The following PDE4D variants were observed in gnomAD, a reference collection of about 807,000 sequenced individuals.
The protein encoded by PDE4D is phosphodiesterase 4D.
Under a neutral mutation model 87.4 loss-of-function variants are expected in PDE4D, and 24 were observed. The ratio of observed to expected loss-of-function variants is 0.27; its 90% CI spans 0.20 to 0.39. The LOEUF is 0.39. PDE4D is among the 10% of genes least tolerant of loss of function. The pLI, the probability that PDE4D is intolerant of heterozygous loss-of-function variation, is 1.00. For synonymous variants in PDE4D, 384 were observed against 383.2 expected (o/e 1.00, Z -0.02); for missense variants, 714 against 1,041.0 (o/e 0.69, Z 4.32).
At chr5:59,910,195 T>A (rs1275555495) in intron 3 of PDE4D, among the ~76,000 whole-genome samples, 2 of 152,214 alleles carry the variant, frequency 1.3e-5, no homozygotes, top group African/African-American at 4.8e-5. Context: ...TTAATGTGAG[T>A]ATGCCTGTCT....
intron 2 of PDE4D, among the ~76,000 whole-genome samples, chr5:60,036,373 C>T (rs1253712779): frequency 1.3e-5 from 2 of 152,108 alleles, no homozygotes; most frequent in East Asian, 3.9e-4. Flanking sequence ...AATCCAGTCC[C>T]CTGGTTTACA....
At chr5:59,661,454 C>G (rs1745243778) in intron 1 of PDE4D, among the ~76,000 whole-genome samples, 1 of 152,090 alleles carries the variant, frequency 6.6e-6, no homozygotes, top group African/African-American at 2.4e-5. Flanking sequence ...AGCCCACATG[C>G]CCTACATTTT....
exon 2 of PDE4D, chr5:60,185,680 C>T: frequency 3.8e-6 from 3 of 783,378 alleles, no homozygotes; most frequent in Non-Finnish European, 6.3e-6. Flanking sequence ...CAAAAGCCAA[C>T]TGGAATGCTG....
At chr5:60,498,025 G>A (rs1215148564) in intron 1 of PDE4D, among the ~76,000 whole-genome samples, 3 of 152,124 alleles carry the variant, frequency 2.0e-5, no homozygotes, top group East Asian at 3.8e-4. Flanking sequence ...CTGACTATCA[G>A]CAGTTGTTTA....
intron 1 of PDE4D, among the ~76,000 whole-genome samples, chr5:60,295,877 C>T (rs1032102935): frequency 3.3e-5 from 5 of 152,124 alleles, no homozygotes; most frequent in Non-Finnish European, 7.4e-5. Context: ...AACAAAATGC[C>T]ACAAACACAA....
chr5:60,112,048 A>C (rs1471728998), intron 2 of PDE4D, among the ~76,000 whole-genome samples: 1 of 152,046 alleles, frequency 6.6e-6, no homozygotes. Flanking sequence ...AAAAAACCTG[A>C]CTTATGGAAA....
chr5:59,771,433 AAAAGAAAGAAAGAAAGAAAG>A (rs745783951), intron 1 of PDE4D, among the ~76,000 whole-genome samples: 2 of 93,830 alleles, frequency 2.1e-5, no homozygotes, highest in Non-Finnish European at 4.2e-5. Flanking sequence ...AAGAAAAAGA[AAAAGAAAGAAAGAAAGAAAG>A]AAAGAAAGAA....
intron 1 of PDE4D, among the ~76,000 whole-genome samples, chr5:59,757,514 G>C (rs1761422182): frequency 6.6e-6 from 1 of 152,126 alleles, no homozygotes; most frequent in Admixed American, 6.6e-5. Context: ...GGCTGGCAAA[G>C]TGGAAATGGA....
At chr5:59,548,372 T>C in intron 1 of PDE4D, among the ~76,000 whole-genome samples, 1 of 152,166 alleles carries the variant, frequency 6.6e-6, no homozygotes, top group East Asian at 1.9e-4. Context: ...TGCTTGTTGC[T>C]CCACTGGGGA....
At chr5:59,707,341 AT>A (rs1753575511) in intron 1 of PDE4D, among the ~76,000 whole-genome samples, 1 of 152,140 alleles carries the variant, frequency 6.6e-6, no homozygotes, top group African/African-American at 2.4e-5. Context: ...GGAATAAAAA[AT>A]GAGAAAATAC....
intron 1 of PDE4D, among the ~76,000 whole-genome samples, chr5:60,497,080 T>C (rs889382939): frequency 6.6e-6 from 1 of 152,236 alleles, no homozygotes; most frequent in Non-Finnish European, 1.5e-5. Context: ...ATAAATGTAT[T>C]TTTACATTTG....
At chr5:59,535,902 A>C (rs1228933527) in intron 1 of PDE4D, among the ~76,000 whole-genome samples, 1 of 152,204 alleles carries the variant, frequency 6.6e-6, no homozygotes, top group Non-Finnish European at 1.5e-5. Context: ...TTTGCCTTGC[A>C]CATACTTGAC....
At chr5:59,674,142 T>G (rs1380808855) in intron 1 of PDE4D, among the ~76,000 whole-genome samples, 1 of 152,234 alleles carries the variant, frequency 6.6e-6, no homozygotes, top group Non-Finnish European at 1.5e-5. Flanking sequence ...GAGATTAACC[T>G]ATTCCTTAAT....
intron 6 of PDE4D, among the ~76,000 whole-genome samples, chr5:59,035,058 C>T (rs1758263491): frequency 6.6e-6 from 1 of 152,238 alleles, no homozygotes; most frequent in East Asian, 1.9e-4. Context: ...GAGGCCCAGG[C>T]CGCTGTCCTG....
intron 1 of PDE4D, among the ~76,000 whole-genome samples, chr5:59,489,477 T>C (rs1409505827): frequency 1.3e-5 from 2 of 152,154 alleles, no homozygotes; most frequent in Non-Finnish European, 2.9e-5. Context: ...ACTTTGTCTT[T>C]TAGACCTCCA....
At chr5:60,217,022 A>G (rs1233269168) in intron 1 of PDE4D, among the ~76,000 whole-genome samples, 18 of 152,092 alleles carry the variant, frequency 1.2e-4, no homozygotes, top group Admixed American at 1.2e-3. Flanking sequence ...AGGATAGACA[A>G]ACATGGTAAG....
intron 1 of PDE4D, among the ~76,000 whole-genome samples, chr5:60,399,126 T>C (rs1763096826): frequency 6.6e-6 from 1 of 152,208 alleles, no homozygotes; most frequent in Non-Finnish European, 1.5e-5. Flanking sequence ...TCTAGGCCTA[T>C]TTTATAGTTG....
chr5:59,676,134 C>A (rs1425262996), intron 1 of PDE4D, among the ~76,000 whole-genome samples: 1 of 151,946 alleles, frequency 6.6e-6, no homozygotes, highest in Non-Finnish European at 1.5e-5. Context: ...ATAACACAAG[C>A]ATGCACTTTT....
intron 1 of PDE4D, among the ~76,000 whole-genome samples, chr5:59,238,054 A>G (rs1307070999): frequency 1.3e-5 from 2 of 152,112 alleles, no homozygotes; most frequent in African/African-American, 2.4e-5. Flanking sequence ...AGTTAAGAAC[A>G]CAGGGTCTAG....
Sources: allele counts gnomAD v4.1 joint callset (sites outside exome capture counted in the v4.1 genomes callset), GRCh38; gene constraint gnomAD v4.1.1; transcripts MANE v1.5; gene names NCBI Gene and HGNC (gene_info 2026-07-23, HGNC 2026-07-21).